The following HYCC1 variants were observed in gnomAD, a reference collection of about 807,000 sequenced individuals.
HYCC1 encodes hyccin.
chr7:22,929,549 T>A, the HYCC1 span, among the ~76,000 whole-genome samples: 1 of 152,090 alleles, frequency 6.6e-6, no homozygotes, highest in Non-Finnish European at 1.5e-5. Context: ...AACAGACACT[T>A]CTCAAAAGAA....
chr7:22,999,858 G>A, the HYCC1 span, among the ~76,000 whole-genome samples: 5 of 152,058 alleles, frequency 3.3e-5, no homozygotes, highest in African/African-American at 7.2e-5. Context: ...GGGAATAGAC[G>A]AGAGGAAAAT....
chr7:22,985,318 G>A, the HYCC1 span, among the ~76,000 whole-genome samples: 9 of 152,064 alleles, frequency 5.9e-5, no homozygotes, highest in African/African-American at 1.7e-4. Flanking sequence ...ACTTTACTGT[G>A]AGCTCCTTGA....
chr7:22,929,305 C>A, the HYCC1 span, among the ~76,000 whole-genome samples: 12 of 152,102 alleles, frequency 7.9e-5, no homozygotes, highest in Non-Finnish European at 1.2e-4. Context: ...TCTAAAACAC[C>A]AAAAGCAATG....
At chr7:22,972,058 T>C in the HYCC1 span, among the ~76,000 whole-genome samples, 2 of 152,166 alleles carry the variant, frequency 1.3e-5, no homozygotes, top group South Asian at 4.1e-4. Flanking sequence ...GAATTGTTGA[T>C]ACAGTCATAG....
the HYCC1 span, among the ~76,000 whole-genome samples, chr7:22,907,241 A>C: frequency 9.2e-5 from 14 of 151,636 alleles, no homozygotes; most frequent in African/African-American, 3.4e-4. Context: ...CTTTCTCCTT[A>C]CTTAGTTCAA....
the HYCC1 span, among the ~76,000 whole-genome samples, chr7:23,012,012 C>T: frequency 6.6e-6 from 1 of 152,194 alleles, no homozygotes; most frequent in Non-Finnish European, 1.5e-5. Context: ...ATGTTACTAA[C>T]ATCTTGTATG....
At chr7:22,939,790 T>C in the HYCC1 span, 8 of 152,276 alleles carry the variant, frequency 5.3e-5, no homozygotes, top group African/African-American at 1.9e-4. Context: ...CTCTACCCTA[T>C]TGAGAGCTTC....
chr7:22,935,627 A>G, the HYCC1 span: 1 of 152,120 alleles, frequency 6.6e-6, no homozygotes, highest in Non-Finnish European at 1.5e-5. Flanking sequence ...AGTTGTGCCA[A>G]TGCTTGCCTC....
At chr7:22,999,284 A>G in the HYCC1 span, among the ~76,000 whole-genome samples, 26 of 152,334 alleles carry the variant, frequency 1.7e-4, no homozygotes, top group Non-Finnish European at 7.4e-5. Flanking sequence ...GCTGAAATAA[A>G]GCTTTCCAAA....
At chr7:22,946,896 T>C in the HYCC1 span, 1 of 1,439,150 alleles carries the variant, frequency 6.9e-7, no homozygotes, top group South Asian at 1.4e-5. Flanking sequence ...TGCAAAATTT[T>C]TGTGACTGTG....
At chr7:22,990,743 A>G in the HYCC1 span, among the ~76,000 whole-genome samples, 1 of 152,220 alleles carries the variant, frequency 6.6e-6, no homozygotes, top group Admixed American at 6.5e-5. Flanking sequence ...AAACTGGAAG[A>G]AACATTTTGA....
the HYCC1 span, among the ~76,000 whole-genome samples, chr7:22,901,156 G>C: frequency 6.7e-6 from 1 of 150,174 alleles, no homozygotes; most frequent in South Asian, 2.1e-4. Flanking sequence ...AGGAAGTTGA[G>C]GGGGCAGTAA....
the HYCC1 span, chr7:22,940,289 T>C: frequency 7.5e-6 from 1 of 133,800 alleles, no homozygotes; most frequent in Admixed American, 8.2e-5. Flanking sequence ...TCTCACTCTG[T>C]TGCCCAGGCT....
At chr7:22,921,765 T>C in the HYCC1 span, among the ~76,000 whole-genome samples, 1 of 152,156 alleles carries the variant, frequency 6.6e-6, no homozygotes, top group Non-Finnish European at 1.5e-5. Flanking sequence ...AACCTGCATA[T>C]ACAAAAAGTC....
the HYCC1 span, among the ~76,000 whole-genome samples, chr7:22,908,362 T>C: frequency 6.6e-6 from 1 of 152,226 alleles, no homozygotes; most frequent in Admixed American, 6.5e-5. Context: ...TTTTCTTGTA[T>C]GGCACTGTTG....
chr7:22,941,421 G>A, the HYCC1 span: 1 of 152,012 alleles, frequency 6.6e-6, no homozygotes, highest in African/African-American at 2.4e-5. Flanking sequence ...AATAGCCAAA[G>A]TCGTCGTTTA....
the HYCC1 span, among the ~76,000 whole-genome samples, chr7:23,002,149 TATATATATATATATATATATATATATAC>T: frequency 4.3e-4 from 11 of 25,824 alleles, 1 homozygote; most frequent in South Asian, 5.7e-3. Flanking sequence ...TATATATATA[TATATATATATATATATATATATATATAC>T]ATATAGTTTG....
At chr7:23,000,055 C>G in the HYCC1 span, among the ~76,000 whole-genome samples, 1 of 151,902 alleles carries the variant, frequency 6.6e-6, no homozygotes, top group Non-Finnish European at 1.5e-5. Context: ...ACTATCAACA[C>G]CTAGGGAGAA....
chr7:22,928,841 T>C, the HYCC1 span, among the ~76,000 whole-genome samples: 6 of 152,058 alleles, frequency 3.9e-5, no homozygotes, highest in African/African-American at 9.7e-5. Flanking sequence ...AAAAAACTAC[T>C]TTAAAGTTCA....
Sources: gnomAD v4.1 joint callset for allele counts (sites outside exome capture counted in the v4.1 genomes callset) on GRCh38, gnomAD v4.1.1 for gene constraint, MANE v1.5 for transcripts, NCBI Gene and HGNC (gene_info 2026-07-23, HGNC 2026-07-21) for gene names.